BLTP3A: variants seen among roughly 807,000 people sequenced by gnomAD.
BLTP3A encodes bridge-like lipid transfer protein family member 3A.
chr6:34,792,160 C>T, the BLTP3A span: 19 of 1,218,320 alleles, frequency 1.6e-5, no homozygotes, highest in South Asian at 3.0e-4. Flanking sequence ...GTGCTCACGC[C>T]GCGGCGAGGT....
At chr6:34,810,056 A>T in the BLTP3A span, among the ~76,000 whole-genome samples, 1 of 152,234 alleles carries the variant, frequency 6.6e-6, no homozygotes, top group Admixed American at 6.5e-5. Flanking sequence ...GCATGCCACA[A>T]GTTTACATCA....
At chr6:34,874,277 C>G in the BLTP3A span, 1 of 152,202 alleles carries the variant, frequency 6.6e-6, no homozygotes, top group African/African-American at 2.4e-5. Context: ...GCCTGTAATC[C>G]CAGCACTTTG....
the BLTP3A span, chr6:34,835,443 C>G: frequency 1.9e-6 from 3 of 1,614,120 alleles, no homozygotes; most frequent in Non-Finnish European, 2.5e-6. Context: ...AAAGAAAGAG[C>G]CTGGCCCCTG....
the BLTP3A span, among the ~76,000 whole-genome samples, chr6:34,826,835 G>A: frequency 6.6e-6 from 1 of 152,098 alleles, no homozygotes; most frequent in Non-Finnish European, 1.5e-5. Flanking sequence ...AGAATAAGAT[G>A]TTTGAGGATT....
chr6:34,868,167 G>C, the BLTP3A span, among the ~76,000 whole-genome samples: 1 of 152,000 alleles, frequency 6.6e-6, no homozygotes, highest in Non-Finnish European at 1.5e-5. Context: ...TTAGCTGGGC[G>C]TGGTGGCGGG....
At chr6:34,823,353 G>A in the BLTP3A span, 3 of 1,612,014 alleles carry the variant, frequency 1.9e-6, no homozygotes, top group African/African-American at 1.3e-5. Flanking sequence ...ACAGAGGTTA[G>A]TTTCTTTGAA....
the BLTP3A span, among the ~76,000 whole-genome samples, chr6:34,825,307 C>CT: frequency 2.2e-4 from 33 of 148,174 alleles, no homozygotes; most frequent in Non-Finnish European, 3.5e-4. Context: ...TTTCTTTTTT[C>CT]TTTTTTTTTT....
chr6:34,817,652 G>T, the BLTP3A span, among the ~76,000 whole-genome samples: 3 of 152,138 alleles, frequency 2.0e-5, no homozygotes, highest in Non-Finnish European at 4.4e-5. Flanking sequence ...GCCTGCATAT[G>T]TGTTATAGGA....
chr6:34,830,459 G>A, the BLTP3A span, among the ~76,000 whole-genome samples: 1 of 152,128 alleles, frequency 6.6e-6, no homozygotes, highest in African/African-American at 2.4e-5. Flanking sequence ...GCATGATGGC[G>A]TGCGCCTGTA....
the BLTP3A span, among the ~76,000 whole-genome samples, chr6:34,828,450 C>CA: frequency 0.012 from 651 of 54,118 alleles, 1 homozygote; most frequent in South Asian, 0.029. Flanking sequence ...GACTCCATCT[C>CA]AAAAAAAAAA....
the BLTP3A span, among the ~76,000 whole-genome samples, chr6:34,855,232 T>C: frequency 3.3e-5 from 5 of 152,342 alleles, no homozygotes; most frequent in African/African-American, 1.2e-4. Flanking sequence ...ATCTGGCTTC[T>C]GCCTCTTCGT....
the BLTP3A span, among the ~76,000 whole-genome samples, chr6:34,808,079 C>T: frequency 9.2e-5 from 14 of 151,626 alleles, no homozygotes; most frequent in Admixed American, 7.9e-4. Flanking sequence ...CGCGGTGGCT[C>T]ATGACTGTAA....
chr6:34,792,406 C>A, the BLTP3A span: 5 of 1,129,544 alleles, frequency 4.4e-6, no homozygotes, highest in Non-Finnish European at 4.7e-6. Context: ...GCCCGGAGCC[C>A]GGACTCCGTG....
chr6:34,808,947 A>G, the BLTP3A span, among the ~76,000 whole-genome samples: 1 of 152,224 alleles, frequency 6.6e-6, no homozygotes, highest in Admixed American at 6.6e-5. Flanking sequence ...AAAGGCTCAT[A>G]TAGTTTCATT....
chr6:34,807,951 G>GA, the BLTP3A span, among the ~76,000 whole-genome samples: 2 of 152,112 alleles, frequency 1.3e-5, no homozygotes, highest in African/African-American at 4.8e-5. Context: ...TGAGGTAGGA[G>GA]AATCGCTTGA....
the BLTP3A span, among the ~76,000 whole-genome samples, chr6:34,797,798 C>G: frequency 1.3e-5 from 2 of 152,138 alleles, no homozygotes; most frequent in Non-Finnish European, 2.9e-5. Flanking sequence ...CATAATAACC[C>G]TATGAGGTGC....
At chr6:34,859,357 G>T in the BLTP3A span, 1 of 1,614,184 alleles carries the variant, frequency 6.2e-7, no homozygotes, top group Non-Finnish European at 8.5e-7. Flanking sequence ...CAGGGAGACT[G>T]CTGTGAATGG....
At chr6:34,839,491 G>A in the BLTP3A span, among the ~76,000 whole-genome samples, 1 of 152,180 alleles carries the variant, frequency 6.6e-6, no homozygotes, top group South Asian at 2.1e-4. Context: ...AAATTGAGAT[G>A]TTCTGTAAAT....
the BLTP3A span, among the ~76,000 whole-genome samples, chr6:34,836,795 G>A: frequency 1.3e-5 from 2 of 152,194 alleles, no homozygotes; most frequent in Admixed American, 6.5e-5. Flanking sequence ...TATTTATTGT[G>A]TGTAAATGTT....
Sources: allele counts gnomAD v4.1 joint callset (sites outside exome capture counted in the v4.1 genomes callset), GRCh38; gene constraint gnomAD v4.1.1; transcripts MANE v1.5; gene names NCBI Gene and HGNC (gene_info 2026-07-23, HGNC 2026-07-21).